The following SCLT1 variants were observed in gnomAD, a reference collection of about 807,000 sequenced individuals.
SCLT1 encodes the protein sodium channel-associated protein 1.
Under a neutral mutation model 112.8 loss-of-function variants are expected in SCLT1, and 78 were observed. The observed-to-expected ratio is 0.69, with a 90% CI of 0.58 to 0.83. The LOEUF (loss-of-function observed/expected upper bound fraction) is 0.83, where lower values mean the gene tolerates loss of function less well. SCLT1 is among the 40% of genes least tolerant of loss of function. The probability of loss-of-function intolerance (pLI) is 0.00; values close to 1 mark genes in which losing one functional copy is unlikely to be tolerated. For synonymous variants in SCLT1, 257 were observed against 254.7 expected, an observed-to-expected ratio of 1.01 and a Z score of -0.09; for missense variants, 747 against 770.4, an observed-to-expected ratio of 0.97 and a Z score of 0.36.
At chr4:129,058,536 T>A (rs1409609824) in intron 2 of SCLT1, among the ~76,000 whole-genome samples, 1 of 152,212 alleles carries the variant, frequency 6.6e-6, no homozygotes, top group Non-Finnish European at 1.5e-5. Context: ...GTTCCTCTTG[T>A]TACTGAATTA....
Position 129,030,215 on chromosome 4 carries a change from C to T in SCLT1, c.290+8826G>A, listed in dbSNP as rs185359728. Among the ~76,000 whole-genome samples, 13 of 152,086 alleles carry T rather than the reference C, an allele frequency of 8.5e-5. No homozygotes were observed. The East Asian group carries it at 9.7e-4, about 11-fold the overall frequency. On this transcript the variant is annotated intron_variant, in intron 5 of 20. Coordinates refer to ENST00000281142, the MANE Select transcript of SCLT1 (RefSeq NM_144643.4). ...ACAACCTGTTCCTGAATGACTACTG[C>T]GTAAATAACAAAACTGAGACAGAAA...
intron 9 of SCLT1, chr4:128,971,278 TA>T (rs1490450326): frequency 6.6e-6 from 1 of 152,222 alleles, no homozygotes; most frequent in African/African-American, 2.4e-5. Flanking sequence ...TATCTAAATG[TA>T]AATCATATTT....
chr4:128,957,814 T>C (rs1163968040), intron 12 of SCLT1, among the ~76,000 whole-genome samples: 1 of 152,192 alleles, frequency 6.6e-6, no homozygotes, highest in Non-Finnish European at 1.5e-5. Context: ...CCAGCAGCAC[T>C]TGAAATATTT....
At chr4:129,084,138 G>A (rs956928114) in intron 1 of SCLT1, among the ~76,000 whole-genome samples, 1 of 152,040 alleles carries the variant, frequency 6.6e-6, no homozygotes, top group Admixed American at 6.6e-5. Context: ...ATCACATAAG[G>A]ATAAATTCTT....
intron 8 of SCLT1, among the ~76,000 whole-genome samples, chr4:128,996,685 A>G (rs1247434094): frequency 6.6e-6 from 1 of 152,084 alleles, no homozygotes; most frequent in African/African-American, 2.4e-5. Flanking sequence ...AGTCTTTTCT[A>G]TATTTTTATA....
chr4:129,080,598 T>C (rs1358765290), intron 2 of SCLT1, among the ~76,000 whole-genome samples: 2 of 152,216 alleles, frequency 1.3e-5, no homozygotes, highest in African/African-American at 2.4e-5. Flanking sequence ...CGTATCACTA[T>C]GAGCATTTTG....
At chr4:128,899,595 T>C (rs1261061242) in intron 18 of SCLT1, among the ~76,000 whole-genome samples, 3 of 152,136 alleles carry the variant, frequency 2.0e-5, no homozygotes, top group Admixed American at 6.5e-5. Context: ...ACTGGAAGCA[T>C]TCCCTTTGAA....
intron 5 of SCLT1, among the ~76,000 whole-genome samples, chr4:129,017,388 T>C (rs1055365095): frequency 2.6e-5 from 4 of 152,188 alleles, no homozygotes; most frequent in Admixed American, 6.5e-5. Context: ...TTTGCTTATT[T>C]TCTTGTTTTC....
intron 13 of SCLT1, 40 bp downstream of exon 13, chr4:128,956,986 A>T: frequency 9.0e-7 from 1 of 1,112,418 alleles, no homozygotes; most frequent in Non-Finnish European, 1.3e-6. Context: ...TTTAGTTGTG[A>T]CTTAAATTCT....
downstream of SCLT1, among the ~76,000 whole-genome samples, chr4:128,879,590 A>G (rs977049917): frequency 3.3e-5 from 5 of 152,222 alleles, no homozygotes; most frequent in African/African-American, 1.2e-4. Flanking sequence ...ATCTTTGGAA[A>G]GGAAATAACA....
intron 5 of SCLT1, among the ~76,000 whole-genome samples, chr4:129,023,934 T>G (rs1410848003): frequency 6.6e-6 from 1 of 152,326 alleles, no homozygotes; most frequent in Admixed American, 6.5e-5. Flanking sequence ...TCTCGCTGAT[T>G]GCTAGCACAG....
chr4:128,980,834 A>G (rs1741582510), intron 9 of SCLT1, among the ~76,000 whole-genome samples: 1 of 152,198 alleles, frequency 6.6e-6, no homozygotes, highest in African/African-American at 2.4e-5. Context: ...AAGTGGTCAC[A>G]CATTTCTGTG....
At chr4:129,004,432 T>C (rs1348732728) in intron 5 of SCLT1, among the ~76,000 whole-genome samples, 1 of 151,956 alleles carries the variant, frequency 6.6e-6, no homozygotes, top group Admixed American at 6.6e-5. Flanking sequence ...TCAACAATAA[T>C]ACTGAAAGGC....
chr4:128,891,471 G>C (rs1733315888), intron 18 of SCLT1, among the ~76,000 whole-genome samples: 1 of 151,588 alleles, frequency 6.6e-6, no homozygotes. Context: ...TGTATATTTT[G>C]CCAAACTAAA....
intron 2 of SCLT1, among the ~76,000 whole-genome samples, chr4:129,069,560 T>C (rs989941913): frequency 1.3e-5 from 2 of 152,094 alleles, no homozygotes; most frequent in Non-Finnish European, 2.9e-5. Context: ...GATTCTCTGC[T>C]TGGTTGCTGT....
At position 128,978,124 on chromosome 4, in the gene SCLT1, T is replaced by C. The variant is rs73847329; in HGVS notation, c.687-7656A>G. On this transcript the variant is annotated intron_variant, in intron 9 of 20. Coordinates refer to ENST00000281142, the MANE Select transcript of SCLT1 (RefSeq NM_144643.4). ...GAGAGACCCTCTACTCCTTCAATCATAGCCATTCTACTTTTATAAGTTTAA... is the reference window on the plus strand; with the variant it reads ...GAGAGACCCTCTACTCCTTCAATCACAGCCATTCTACTTTTATAAGTTTAA... 3.8e-3 allele frequency among the ~76,000 whole-genome samples: 572 copies of C among 152,298 alleles called. 1 individual carries two copies. Among genetic ancestry groups the C allele is most frequent in the African/African-American group, 0.011 (473 of 41,574 alleles).
intron 18 of SCLT1, among the ~76,000 whole-genome samples, chr4:128,900,525 T>C (rs1328202957): frequency 1.3e-5 from 2 of 152,084 alleles, no homozygotes; most frequent in African/African-American, 4.8e-5. Context: ...CAAAAATCAA[T>C]TCAAGATGGA....
rs183690757 is a variant in SCLT1 at position 128,947,795 on chromosome 4, G to A, written c.1293+701C>T. On this transcript the variant is annotated intron_variant, in intron 15 of 20. Coordinates refer to ENST00000281142, the MANE Select transcript of SCLT1 (RefSeq NM_144643.4). ...GGGGGTAAATATTCTTCCTAAGTGT[G>A]AAATTAAAATCTGTACTTCTAAAAG... Among the ~76,000 whole-genome samples, 1,032 of 152,190 alleles carry A rather than the reference G, an allele frequency of 6.8e-3. 8 individuals carry two copies. The highest frequency in any genetic ancestry group is 0.011 in the Non-Finnish European group (722 of 68,014).
chr4:128,958,758 A>G (rs142699010), intron 12 of SCLT1, among the ~76,000 whole-genome samples: 5 of 152,288 alleles, frequency 3.3e-5, no homozygotes, highest in African/African-American at 9.6e-5. Flanking sequence ...AGATGAAAAT[A>G]TTAGTTGAAA....
Sources: gnomAD v4.1 joint callset for allele counts (sites outside exome capture counted in the v4.1 genomes callset) on GRCh38, gnomAD v4.1.1 for gene constraint, MANE v1.5 for transcripts, NCBI Gene and HGNC (gene_info 2026-07-23, HGNC 2026-07-21) for gene names.